FIG4: variants seen among roughly 807,000 people sequenced by gnomAD.
The protein encoded by FIG4 is polyphosphoinositide phosphatase.
A neutral mutation model predicts 118.6 loss-of-function variants in FIG4; 112 were observed. The observed-to-expected ratio is 0.94, with a 90% CI of 0.81 to 1.11. The LOEUF (loss-of-function observed/expected upper bound fraction) is 1.11, where lower values mean the gene tolerates loss of function less well. Ranked by LOEUF, FIG4 falls within the 50% of genes least tolerant of loss-of-function variation. The probability of loss-of-function intolerance (pLI) is 0.00; values close to 1 mark genes in which losing one functional copy is unlikely to be tolerated. For missense variants in FIG4, 969 were observed against 1,111.7 expected, an observed-to-expected ratio of 0.87 and a Z score of 1.83; for synonymous variants, 369 against 381.2, an observed-to-expected ratio of 0.97 and a Z score of 0.37.
chr6:109,751,026 G>C (rs1776678900), intron 10 of FIG4, among the ~76,000 whole-genome samples: 1 of 152,018 alleles, frequency 6.6e-6, no homozygotes, highest in Non-Finnish European at 1.5e-5. Context: ...GATGTATTCA[G>C]CTGTGCTCAA....
Position 109,825,369 on chromosome 6 carries a change from T to A in FIG4, c.*104T>A. The A allele has an allele frequency of 9.4e-7, 1 of 1,061,468 alleles. No individual in the cohort carries two copies. The allele number at this position is 1,061,468 out of a possible 1,614,324, so 65.8% of individuals were successfully genotyped here. A position where few individuals can be genotyped will look rare whatever the true frequency, so the allele number is the denominator to read the frequency against. On this transcript the variant is annotated 3_prime_UTR_variant, in exon 23 of 23. Transcript: ENST00000230124. ...TAAAAGTCCTTTGCGTCTGAAGCCT[T>A]TCTCCTTTTCTGTCACTTGCAAATT... is the stretch of plus-strand genomic sequence containing the variant.
intron 13 of FIG4, among the ~76,000 whole-genome samples, chr6:109,764,727 G>A (rs1035041284): frequency 2.0e-5 from 3 of 152,100 alleles, no homozygotes; most frequent in Non-Finnish European, 4.4e-5. Context: ...TCAGCTATTT[G>A]TTTTATTTTG....
At position 109,817,566 on chromosome 6, in the gene FIG4, TGTA is replaced by T. The variant is rs756414956; in HGVS notation, c.2547-7521_2547-7519del. The stretch of plus-strand genomic sequence containing the variant: ...TTTATTTTACAGCTCTCAGAGAGTG[TGTA>T]AAAAAAAAAAAAAAGAGTATAATTC... On this transcript the variant is annotated intron_variant, in intron 22 of 22. Coordinates refer to ENST00000230124, the MANE Select transcript of FIG4 (RefSeq NM_014845.6). Among the ~76,000 whole-genome samples, 26 of 125,800 alleles carry T rather than the reference TGTA, an allele frequency of 2.1e-4. No homozygotes were observed. The East Asian group carries it at 2.8e-3, about 13-fold the overall frequency. The allele number at this position is 125,800 out of a possible 152,430, so 82.5% of individuals were successfully genotyped here.
intron 15 of FIG4, among the ~76,000 whole-genome samples, chr6:109,776,085 G>A (rs1777609854): frequency 6.6e-6 from 1 of 152,182 alleles, no homozygotes; most frequent in Non-Finnish European, 1.5e-5. Context: ...AGACAAGAAT[G>A]GAAAGAAGGA....
Position 109,740,141 on chromosome 6 carries a change from C to T in FIG4, c.776-1303C>T, listed in dbSNP as rs576801927. Among the ~76,000 whole-genome samples, 13 of 152,188 alleles carry T rather than the reference C, an allele frequency of 8.5e-5. No individual in the cohort carries two copies. In the South Asian group the frequency reaches 2.5e-3, roughly 29 times the overall value. On this transcript the variant is annotated intron_variant, in intron 7 of 22. Coordinates refer to ENST00000230124, the MANE Select transcript of FIG4 (RefSeq NM_014845.6). ...GGGAAGAACACAGGTTTTTCACCACCAAGGATACCAAAAAGAATGTGCTAC... is the reference window on the plus strand; with the variant it reads ...GGGAAGAACACAGGTTTTTCACCACTAAGGATACCAAAAAGAATGTGCTAC...
At chr6:109,713,737 G>A (rs1775343103) in intron 1 of FIG4, among the ~76,000 whole-genome samples, 1 of 152,144 alleles carries the variant, frequency 6.6e-6, no homozygotes, top group Non-Finnish European at 1.5e-5. Context: ...CTGCAGTGGA[G>A]GGAGGGAGAG....
chr6:109,815,938 TTAA>T (rs1461296281), intron 22 of FIG4, among the ~76,000 whole-genome samples: 2 of 152,174 alleles, frequency 1.3e-5, no homozygotes, highest in East Asian at 1.9e-4. Flanking sequence ...TTTATTTATA[TTAA>T]TAATACTAAC....
chr6:109,705,128 G>T (rs2128379057), intron 1 of FIG4, among the ~76,000 whole-genome samples: 1 of 152,208 alleles, frequency 6.6e-6, no homozygotes, highest in East Asian at 1.9e-4. Flanking sequence ...CAACAGTGGA[G>T]AAAAATTTAG....
chr6:109,815,496 C>CGGGGGGGGGGGGGGGGGGGGG (rs58181285), intron 22 of FIG4, among the ~76,000 whole-genome samples: 1 of 106,490 alleles, frequency 9.4e-6, no homozygotes. Flanking sequence ...CTCCAGGCTG[C>CGGGGGGGGGGGGGGGGGGGGG]CCCCCCCACC....
At chr6:109,799,565 A>G (rs547812037) in intron 22 of FIG4, among the ~76,000 whole-genome samples, 4 of 152,262 alleles carry the variant, frequency 2.6e-5, no homozygotes, top group Non-Finnish European at 4.4e-5. Flanking sequence ...AATAAGTTCA[A>G]GTTCATACAC....
At chr6:109,782,638 T>G (rs1777840206) in intron 16 of FIG4, among the ~76,000 whole-genome samples, 1 of 151,980 alleles carries the variant, frequency 6.6e-6, no homozygotes. Flanking sequence ...TTCTCTACTT[T>G]ACTCGTCTGC....
chr6:109,728,294 A>G (rs1775881261), intron 4 of FIG4, among the ~76,000 whole-genome samples: 1 of 152,194 alleles, frequency 6.6e-6, no homozygotes, highest in South Asian at 2.1e-4. Flanking sequence ...AGAAGGGCAT[A>G]GTGGTGTTAA....
intron 22 of FIG4, among the ~76,000 whole-genome samples, chr6:109,810,055 C>G (rs1008473541): frequency 6.6e-6 from 1 of 152,086 alleles, no homozygotes; most frequent in African/African-American, 2.4e-5. Flanking sequence ...GACTCTGTGT[C>G]TCCTCCTTAG....
At chr6:109,768,172 G>T (rs1212174711) in intron 15 of FIG4, among the ~76,000 whole-genome samples, 1 of 152,300 alleles carries the variant, frequency 6.6e-6, no homozygotes, top group East Asian at 1.9e-4. Context: ...GCCAGCATGG[G>T]GTTGGCCTGG....
chr6:109,795,149 G>A (rs1439255081), intron 21 of FIG4, among the ~76,000 whole-genome samples: 16 of 109,508 alleles, frequency 1.5e-4, no homozygotes, highest in African/African-American at 5.4e-4. Flanking sequence ...ACGGAGTCTC[G>A]CTCTGTCGCC....
chr6:109,782,775 G>T (rs894710082), intron 16 of FIG4, among the ~76,000 whole-genome samples: 2 of 152,120 alleles, frequency 1.3e-5, no homozygotes, highest in Non-Finnish European at 2.9e-5. Context: ...TTTCCTATTA[G>T]GAAAGGAAAT....
Position 109,743,178 on chromosome 6 carries a change from A to C in FIG4, c.945A>C (p.Ala315=), listed in dbSNP as rs1776379109. Residue 315 remains alanine, a synonymous_variant, in exon 9 of 23, where the codon GCA becomes GCC. Coordinates refer to ENST00000230124, the MANE Select transcript of FIG4 (RefSeq NM_014845.6). ...ATGCTTCTGTGATGTCTTTCACTGC[A>C]GGAAGTTATTCTTCATATGTACAAG... The part of the protein sequence containing the change: ...LCDASVMSFT[A]GSYSSYVQVR... 2 of 1,612,948 alleles carry C rather than the reference A, an allele frequency of 1.2e-6. No individual in the cohort carries two copies. The highest frequency in any genetic ancestry group is 1.7e-6 in the Non-Finnish European group (2 of 1,179,174).
chr6:109,755,202 G>A (rs1227649951), intron 10 of FIG4, among the ~76,000 whole-genome samples: 1 of 152,208 alleles, frequency 6.6e-6, no homozygotes, highest in Non-Finnish European at 1.5e-5. Flanking sequence ...GTACCCAGTA[G>A]TCATTCAGGA....
rs556079634 is a variant in FIG4, at chr6:109,735,098, T to C, written c.498-52T>C. The C allele has an allele frequency of 5.2e-6, 8 of 1,524,730 alleles. No individual in the cohort carries two copies. In the African/African-American group the frequency reaches 1.1e-4, roughly 21 times the overall value. 94.5% of individuals were successfully genotyped at this position (1,524,730 alleles called of 1,614,324 possible). ...TAATTCTATATGGGCGCCAAGACCA[T>C]GAAATATGCTTTGCTTTTGTAATTC... On this transcript the variant is annotated intron_variant, in intron 5 of 22. Transcript: ENST00000230124.
Sources: gnomAD v4.1 joint callset for allele counts (sites outside exome capture counted in the v4.1 genomes callset) on GRCh38, gnomAD v4.1.1 for gene constraint, MANE v1.5 for transcripts, NCBI Gene and HGNC (gene_info 2026-07-23, HGNC 2026-07-21) for gene names.